The following NPAS3 variants were observed in gnomAD, a reference collection of about 807,000 sequenced individuals.
NPAS3 encodes the protein neuronal PAS domain-containing protein 3.
In NPAS3, 14 loss-of-function variants were observed where a neutral mutation model predicts 73.1. The observed-to-expected ratio is 0.19, with a 90% CI of 0.13 to 0.30. NPAS3 has a LOEUF of 0.30. Ranked by LOEUF, NPAS3 falls within the 10% of genes least tolerant of loss-of-function variation. The pLI, the probability that NPAS3 is intolerant of heterozygous loss-of-function variation, is 1.00. For synonymous variants in NPAS3, 620 were observed against 541.5 expected (o/e 1.14, Z -2.01); for missense variants, 1,096 against 1,250.0 (o/e 0.88, Z 1.86).
chr14:33,426,165 C>A (rs2139086760), intron 4 of NPAS3, among the ~76,000 whole-genome samples: 1 of 152,156 alleles, frequency 6.6e-6, no homozygotes, highest in Non-Finnish European at 1.5e-5. Context: ...CAGGGATGAA[C>A]TGAGAAAGGA....
intron 5 of NPAS3, among the ~76,000 whole-genome samples, chr14:33,637,163 G>T (rs2058544871): frequency 6.6e-6 from 1 of 152,104 alleles, no homozygotes; most frequent in Non-Finnish European, 1.5e-5. Context: ...TGAAAAATGA[G>T]TTCCCCATAA....
At chr14:32,989,636 C>T (rs929148188) in intron 1 of NPAS3, among the ~76,000 whole-genome samples, 1 of 150,880 alleles carries the variant, frequency 6.6e-6, no homozygotes, top group Non-Finnish European at 1.5e-5. Context: ...CAGCGAGACT[C>T]GGTCTCAAAC....
intron 3 of NPAS3, among the ~76,000 whole-genome samples, chr14:33,271,668 C>T (rs1319352195): frequency 6.6e-6 from 1 of 151,946 alleles, no homozygotes; most frequent in Non-Finnish European, 1.5e-5. Context: ...TTAAAAAATT[C>T]CTCCCTGGTT....
At chr14:33,122,020 T>C (rs1176001853) in intron 2 of NPAS3, among the ~76,000 whole-genome samples, 1 of 152,166 alleles carries the variant, frequency 6.6e-6, no homozygotes, top group African/African-American at 2.4e-5. Flanking sequence ...GAAATTACTG[T>C]GTTAATGTAT....
intron 4 of NPAS3, among the ~76,000 whole-genome samples, chr14:33,406,484 A>T (rs1050889005): frequency 6.6e-6 from 1 of 152,092 alleles, no homozygotes; most frequent in Non-Finnish European, 1.5e-5. Context: ...AAGAGATGGC[A>T]TGTGTTTTAT....
intron 2 of NPAS3, among the ~76,000 whole-genome samples, chr14:33,137,173 G>A (rs1434611066): frequency 6.6e-6 from 1 of 152,144 alleles, no homozygotes; most frequent in Non-Finnish European, 1.5e-5. Context: ...TATAAAATGT[G>A]ACTGAAATAA....
intron 2 of NPAS3, among the ~76,000 whole-genome samples, chr14:33,067,675 G>A (rs2041326803): frequency 6.6e-6 from 1 of 152,168 alleles, no homozygotes; most frequent in Non-Finnish European, 1.5e-5. Context: ...TTGTATTACA[G>A]AGGTTAAGTG....
At chr14:33,727,970 G>A (rs1418793509) in intron 6 of NPAS3, among the ~76,000 whole-genome samples, 1 of 152,160 alleles carries the variant, frequency 6.6e-6, no homozygotes, top group African/African-American at 2.4e-5. Context: ...ACTCTCAAAG[G>A]CGATCTTTAC....
intron 2 of NPAS3, among the ~76,000 whole-genome samples, chr14:33,095,234 G>A (rs538763049): frequency 5.3e-5 from 8 of 152,212 alleles, no homozygotes; most frequent in Non-Finnish European, 8.8e-5. Context: ...ATGAGTGTGT[G>A]TGGTCTGAGT....
chr14:33,061,814 T>G (rs1441187510), intron 2 of NPAS3, among the ~76,000 whole-genome samples: 1 of 152,164 alleles, frequency 6.6e-6, no homozygotes, highest in Non-Finnish European at 1.5e-5. Flanking sequence ...TAATTGACAT[T>G]CTGCCTGGAG....
intron 4 of NPAS3, among the ~76,000 whole-genome samples, chr14:33,557,926 G>A (rs1346792312): frequency 2.6e-5 from 4 of 152,148 alleles, no homozygotes; most frequent in East Asian, 1.9e-4. Flanking sequence ...CTGCGGTCTC[G>A]CTACCGCACT....
intron 3 of NPAS3, among the ~76,000 whole-genome samples, chr14:33,238,903 G>A (rs1357653385): frequency 6.6e-6 from 1 of 151,942 alleles, no homozygotes; most frequent in Non-Finnish European, 1.5e-5. Flanking sequence ...ATGTGTACAA[G>A]TTGAGGCAAA....
At chr14:33,166,204 T>C (rs1038304541) in intron 2 of NPAS3, among the ~76,000 whole-genome samples, 3 of 152,144 alleles carry the variant, frequency 2.0e-5, no homozygotes, top group African/African-American at 7.2e-5. Context: ...TCCTTAATAA[T>C]GTTTAATCAA....
At chr14:33,025,381 G>T (rs1309772448) in intron 1 of NPAS3, among the ~76,000 whole-genome samples, 1 of 152,146 alleles carries the variant, frequency 6.6e-6, no homozygotes, top group Admixed American at 6.5e-5. Context: ...AACACACCAA[G>T]CATGAAGCAC....
chr14:33,740,932 G>A (rs1432617044), intron 7 of NPAS3, among the ~76,000 whole-genome samples: 1 of 151,894 alleles, frequency 6.6e-6, no homozygotes, highest in African/African-American at 2.4e-5. Flanking sequence ...GATTTCTCAG[G>A]GATTGCTAAG....
intron 3 of NPAS3, among the ~76,000 whole-genome samples, chr14:33,314,236 A>G (rs1031307352): frequency 5.9e-5 from 9 of 152,074 alleles, no homozygotes; most frequent in Non-Finnish European, 8.8e-5. Context: ...CATTTTTGTT[A>G]TAAATATTTA....
At chr14:33,010,653 T>G (rs537243831) in intron 1 of NPAS3, among the ~76,000 whole-genome samples, 1 of 152,304 alleles carries the variant, frequency 6.6e-6, no homozygotes, top group African/African-American at 2.4e-5. Flanking sequence ...ACTCTTCTAA[T>G]ATTAAACATT....
At chr14:33,092,456 G>A (rs10147048) in intron 2 of NPAS3, among the ~76,000 whole-genome samples, 66,549 of 151,916 alleles carry the variant, frequency 0.44, 16,198 homozygotes, top group African/African-American at 0.67. Flanking sequence ...CCACTGCTCA[G>A]TGAAATAAAA....
At chr14:32,946,348 G>GCGCACACACACACA (rs1233572564) in intron 1 of NPAS3, among the ~76,000 whole-genome samples, 4 of 139,314 alleles carry the variant, frequency 2.9e-5, no homozygotes, top group Admixed American at 7.3e-5. Context: ...ACACACACGC[G>GCGCACACACACACA]CACACACACA....
Sources: allele counts gnomAD v4.1 joint callset (sites outside exome capture counted in the v4.1 genomes callset), GRCh38; gene constraint gnomAD v4.1.1; transcripts MANE v1.5; gene names NCBI Gene and HGNC (gene_info 2026-07-23, HGNC 2026-07-21).